KPNB1: variants seen among roughly 807,000 people sequenced by gnomAD.
The protein encoded by KPNB1 is karyopherin subunit beta 1.
A neutral mutation model predicts 113.0 loss-of-function variants in KPNB1; 7 were observed. That is an observed-to-expected ratio of 0.06 (90% CI 0.04 to 0.12). The LOEUF is 0.12. Among genes scored for constraint, KPNB1 ranks in the 10% least tolerant of loss-of-function variants. The pLI, the probability that KPNB1 is intolerant of heterozygous loss-of-function variation, is 1.00. For missense variants in KPNB1, 400 were observed against 1,054.8 expected (o/e 0.38, Z 8.60); for synonymous variants, 363 against 378.6 (o/e 0.96, Z 0.48).
intron 3 of KPNB1, 77 bp from the exon 4 acceptor site, chr17:47,656,783 A>G (rs2029923101): frequency 1.4e-5 from 19 of 1,383,892 alleles, no homozygotes; most frequent in Non-Finnish European, 1.9e-5. Context: ...AGAGACACTA[A>G]TATAAGTATG....
At chr17:47,667,387 A>G (rs1253732269) in intron 9 of KPNB1, among the ~76,000 whole-genome samples, 3 of 151,562 alleles carry the variant, frequency 2.0e-5, no homozygotes, top group African/African-American at 4.8e-5. Flanking sequence ...TTGGCCTCCT[A>G]AAGTGCTGGG....
chr17:47,673,306 C>T, intron 13 of KPNB1, 141 bp downstream of exon 13: 2 of 964,636 alleles, frequency 2.1e-6, no homozygotes, highest in Middle Eastern at 4.6e-4. Context: ...ATACAAAAAA[C>T]ATTGCACCTT....
chr17:47,666,988 G>T (rs1001493982), intron 9 of KPNB1, among the ~76,000 whole-genome samples: 31 of 152,292 alleles, frequency 2.0e-4, no homozygotes, highest in Non-Finnish European at 1.9e-4. Flanking sequence ...TTCTGAAACT[G>T]CATAGGCAAC....
Position 47,651,325 on chromosome 17 carries a change from G to A in KPNB1, c.99+881G>A, listed in dbSNP as rs1432289089. ...TCTCTTTGGTGTCCATCTCCTGTTGGGGGATGGGGTCAGAGGGAAGGATTG... is the reference window on the plus strand; with the variant it reads ...TCTCTTTGGTGTCCATCTCCTGTTGAGGGATGGGGTCAGAGGGAAGGATTG... On this transcript the variant is annotated intron_variant, in intron 2 of 21. Coordinates refer to ENST00000290158, the MANE Select transcript of KPNB1 (RefSeq NM_002265.6). 4 of 985,244 alleles carry A rather than the reference G, an allele frequency of 4.1e-6. No homozygotes were observed. The African/African-American group carries it at 5.2e-5, about 13-fold the overall frequency. 61.0% of individuals were successfully genotyped at this position (985,244 alleles called of 1,614,324 possible). A position where few individuals can be genotyped will look rare whatever the true frequency, so the allele number is the denominator to read the frequency against.
In KPNB1 at chr17:47,666,783, T is replaced by A. The variant is rs540233459; in HGVS notation, c.1000-1403T>A. Reference sequence around the variant, plus strand: ...ACAGGCATGCACCACCACGCCTAGCTAATTTTTGTAGTTTTAGTAGAGACG... The same window carrying A: ...ACAGGCATGCACCACCACGCCTAGCAAATTTTTGTAGTTTTAGTAGAGACG... On this transcript the variant is annotated intron_variant, in intron 9 of 21. Transcript: ENST00000290158. Among the ~76,000 whole-genome samples, 5 of 151,652 alleles carry A rather than the reference T, an allele frequency of 3.3e-5. No homozygotes were observed. The East Asian group carries it at 9.8e-4, about 30-fold the overall frequency.
intron 3 of KPNB1, among the ~76,000 whole-genome samples, chr17:47,656,537 A>G (rs1056712555): frequency 7.6e-6 from 1 of 131,716 alleles, no homozygotes; most frequent in Admixed American, 8.4e-5. Flanking sequence ...GAGGCCTTGT[A>G]TTTTCCTTTT....
intron 14 of KPNB1, 21 bp from the exon 15 acceptor site, chr17:47,674,617 G>C: frequency 6.2e-7 from 1 of 1,607,942 alleles, no homozygotes; most frequent in Non-Finnish European, 8.5e-7. Context: ...AACTGATCTT[G>C]AACTCTTACT....
rs2030882690 is a variant in KPNB1, at chr17:47,684,413, G to A, written c.*2009G>A. On this transcript the variant is annotated 3_prime_UTR_variant, in exon 22 of 22. Transcript: ENST00000290158. ...CATTGTGAATAAAGAGCTCATACCA[G>A]CTCCTAAGCCCTATTAAGAAGAGGC... 1 of 151,968 alleles carries A rather than the reference G, an allele frequency of 6.6e-6. No individual in the cohort carries two copies. Among genetic ancestry groups the A allele is most frequent in the South Asian group, 2.1e-4 (1 of 4,812 alleles). The allele number at this position is 151,968 out of a possible 1,614,324, so 9.4% of individuals were successfully genotyped here. A position where few individuals can be genotyped will look rare whatever the true frequency, so the allele number is the denominator to read the frequency against.
chr17:47,665,053 T>C lies in KPNB1; in HGVS notation c.898-4T>C, dbSNP rs777738691. On this transcript the variant is annotated splice_polypyrimidine_tract_variant and splice_region_variant and intron_variant, in intron 8 of 21. Transcript: ENST00000290158. Reference sequence around the variant, plus strand: ...TGTCTAGAATTTGCTTTGTTTCTCCTCAGGCAGCAGAACAAGGACGGCCCC... The same window carrying C: ...TGTCTAGAATTTGCTTTGTTTCTCCCCAGGCAGCAGAACAAGGACGGCCCC... 1.9e-6 allele frequency: 3 copies of C among 1,613,802 alleles called. No homozygotes were observed. Among genetic ancestry groups the C allele is most frequent in the South Asian group, 1.1e-5 (1 of 91,080 alleles).
At position 47,680,141 on chromosome 17, in the gene KPNB1, T is replaced by A. The variant is rs764964113; in HGVS notation, c.2468+7T>A. 3.3e-6 allele frequency: 5 copies of A among 1,521,144 alleles called. No homozygotes were observed. The South Asian group carries it at 5.6e-5, about 17-fold the overall frequency. The allele number at this position is 1,521,144 out of a possible 1,614,324, so 94.2% of individuals were successfully genotyped here. On this transcript the variant is annotated splice_region_variant and intron_variant, in intron 20 of 21. Transcript: ENST00000290158. ...GTGCTGCTGGACTAATAGGGTAAGTTATACCCTGCTTCTAAGAGCTGAATA... is the reference window on the plus strand; with the variant it reads ...GTGCTGCTGGACTAATAGGGTAAGTAATACCCTGCTTCTAAGAGCTGAATA...
At chr17:47,667,295 C>G (rs189537532) in intron 9 of KPNB1, among the ~76,000 whole-genome samples, 228 of 151,698 alleles carry the variant, frequency 1.5e-3, no homozygotes, top group South Asian at 3.5e-3. Context: ...CCCAGCTAGT[C>G]TTTGTATTTT....
At chr17:47,656,336 G>A (rs1223577255) in intron 3 of KPNB1, among the ~76,000 whole-genome samples, 1 of 151,972 alleles carries the variant, frequency 6.6e-6, no homozygotes, top group Admixed American at 6.6e-5. Flanking sequence ...TGGGAGGCCA[G>A]GAATTTGAGA....
At chr17:47,652,253 A>G (rs73985181) in intron 2 of KPNB1, among the ~76,000 whole-genome samples, 191 of 152,296 alleles carry the variant, frequency 1.3e-3, no homozygotes, top group African/African-American at 4.5e-3. Context: ...AATTTAGATA[A>G]ACAGTTTTAT....
At chr17:47,675,033 T>C (rs2030553730) in intron 15 of KPNB1, among the ~76,000 whole-genome samples, 1 of 152,144 alleles carries the variant, frequency 6.6e-6, no homozygotes, top group Non-Finnish European at 1.5e-5. Flanking sequence ...TTGCCCAGAC[T>C]GGTCTTGAAC....
At position 47,673,567 on chromosome 17, in the gene KPNB1, G is replaced by C. The variant is rs756314401; in HGVS notation, c.1767+6G>C. 1 of 1,604,066 alleles carries C rather than the reference G, an allele frequency of 6.2e-7. No individual in the cohort carries two copies. Among genetic ancestry groups the C allele is most frequent in the Non-Finnish European group, 8.5e-7 (1 of 1,170,990 alleles). On this transcript the variant is annotated splice_donor_region_variant and intron_variant, in intron 14 of 21. Transcript: ENST00000290158. ...TACTCTGTGCAACTCTTCAGGTATGGTGGTGCCTTATGACTTAATAACTCC... is the reference window on the plus strand; with the variant it reads ...TACTCTGTGCAACTCTTCAGGTATGCTGGTGCCTTATGACTTAATAACTCC...
chr17:47,667,269 GGT>G (rs2030316032), intron 9 of KPNB1, among the ~76,000 whole-genome samples: 1 of 152,066 alleles, frequency 6.6e-6, no homozygotes, highest in Non-Finnish European at 1.5e-5. Flanking sequence ...GGGATTAACA[GGT>G]GTGTGCCACT....
At chr17:47,668,485 A>G in intron 10 of KPNB1, 75 bp downstream of exon 10, 1 of 1,174,210 alleles carries the variant, frequency 8.5e-7, no homozygotes, top group South Asian at 1.3e-5. Flanking sequence ...TTATTTTTCA[A>G]AACAAAACTG....
At position 47,678,081 on chromosome 17, in the gene KPNB1, T is replaced by C; in HGVS notation, c.2139T>C (p.Ile713=). The C allele has an allele frequency of 6.2e-7, 1 of 1,614,204 alleles. No individual in the cohort carries two copies. Among genetic ancestry groups the C allele is most frequent in the South Asian group, 1.1e-5 (1 of 91,088 alleles). Residue 713 remains isoleucine, a synonymous_variant, in exon 18 of 22, where the codon ATT becomes ATC. Coordinates refer to ENST00000290158, the MANE Select transcript of KPNB1 (RefSeq NM_002265.6). ...ENVHRSVKPQ[I]LSVFGDIALA... ...TCCACAGGTCTGTGAAGCCGCAGAT[T>C]CTGTCAGTGTTTGGTGATATTGCCC...
At chr17:47,661,556 C>T (rs1033343612) in intron 6 of KPNB1, among the ~76,000 whole-genome samples, 1 of 152,148 alleles carries the variant, frequency 6.6e-6, no homozygotes, top group Non-Finnish European at 1.5e-5. Flanking sequence ...GAGCCAAGAT[C>T]ATGCCACTGC....
Sources: gnomAD v4.1 joint callset for allele counts (sites outside exome capture counted in the v4.1 genomes callset) on GRCh38, gnomAD v4.1.1 for gene constraint, MANE v1.5 for transcripts, NCBI Gene and HGNC (gene_info 2026-07-23, HGNC 2026-07-21) for gene names.